CDH12: variants seen among roughly 807,000 people sequenced by gnomAD.
CDH12 encodes the protein cadherin-12.
A neutral mutation model predicts 74.1 loss-of-function variants in CDH12; 41 were observed. That is an observed-to-expected ratio of 0.55 (90% confidence interval 0.43 to 0.72). The LOEUF is 0.72. Among genes scored for constraint, CDH12 ranks in the 30% least tolerant of loss-of-function variants. The pLI is 0.00. For missense variants in CDH12, 945 were observed against 977.2 expected (o/e 0.97, Z 0.44); for synonymous variants, 399 against 355.0 (o/e 1.12, Z -1.39).
chr5:21,903,625 G>A (rs551720239), intron 6 of CDH12, among the ~76,000 whole-genome samples: 3 of 152,160 alleles, frequency 2.0e-5, no homozygotes, highest in South Asian at 4.1e-4. Flanking sequence ...AACCTGTACC[G>A]GTTTCCCCTA....
chr5:22,595,945 A>T (rs269889), intron 1 of CDH12, among the ~76,000 whole-genome samples: 48,343 of 146,632 alleles, frequency 0.33, 8,366 homozygotes, highest in African/African-American at 0.43. Flanking sequence ...AATAAATAAA[A>T]AAAATTAAAA....
chr5:22,328,376 T>C (rs1739212617), intron 3 of CDH12, among the ~76,000 whole-genome samples: 1 of 152,224 alleles, frequency 6.6e-6, no homozygotes, highest in Admixed American at 6.5e-5. Context: ...GGTTGAAATT[T>C]GTTTATTTGT....
intron 2 of CDH12, among the ~76,000 whole-genome samples, chr5:22,475,273 A>G (rs1746121420): frequency 6.6e-6 from 1 of 151,938 alleles, no homozygotes; most frequent in African/African-American, 2.4e-5. Flanking sequence ...ATTGTGAATT[A>G]CTTGAATTTT....
intron 4 of CDH12, among the ~76,000 whole-genome samples, chr5:22,158,492 T>G (rs1198155637): frequency 1.3e-5 from 2 of 152,024 alleles, no homozygotes; most frequent in Non-Finnish European, 2.9e-5. Context: ...AAAGGATCCA[T>G]TCATGAAGAC....
Position 22,708,992 on chromosome 5 carries a change from C to A in CDH12, c.-523+144066G>T, listed in dbSNP as rs72746702. ...GACAGAAAGAGCACAGGGGGCAGGT[C>A]TTTGGCACCAACAAACAGGAGCTTG... On this transcript the variant is annotated intron_variant, in intron 1 of 14. Coordinates refer to ENST00000382254, the MANE Select transcript of CDH12 (RefSeq NM_004061.5). 8.6e-3 allele frequency among the ~76,000 whole-genome samples: 1,306 copies of A among 152,196 alleles called. 7 individuals carry two copies. Among genetic ancestry groups the A allele is most frequent in the Non-Finnish European group, 0.014 (967 of 68,016 alleles).
intron 5 of CDH12, among the ~76,000 whole-genome samples, chr5:22,018,524 AT>A (rs1737754128): frequency 6.6e-6 from 1 of 152,284 alleles, no homozygotes; most frequent in African/African-American, 2.4e-5. Flanking sequence ...GGATGAATGA[AT>A]GGGCAAATGC....
At position 22,078,801 on chromosome 5, in the gene CDH12, A is replaced by G; in HGVS notation, c.-125T>C. The G allele has an allele frequency of 6.9e-7, 1 of 1,459,042 alleles. No individual in the cohort carries two copies. The allele number at this position is 1,459,042 out of a possible 1,614,324, so 90.4% of individuals were successfully genotyped here. On this transcript the variant is annotated 5_prime_UTR_variant, in exon 5 of 15. Transcript: ENST00000382254. The stretch of plus-strand genomic sequence containing the variant: ...TTCTTGTTTTATTGCAGAAATGATG[A>G]TGCAGGCATTAATCCTTTTGATGAA...
At chr5:21,754,454 A>G (rs1463191779) in intron 14 of CDH12, among the ~76,000 whole-genome samples, 1 of 152,204 alleles carries the variant, frequency 6.6e-6, no homozygotes. Flanking sequence ...TATTAACACA[A>G]AAGATGCCAG....
At chr5:22,552,022 C>T (rs1362013076) in intron 1 of CDH12, among the ~76,000 whole-genome samples, 1 of 151,940 alleles carries the variant, frequency 6.6e-6, no homozygotes, top group Non-Finnish European at 1.5e-5. Context: ...AAGTAATATA[C>T]CTACAGATAC....
At chr5:22,065,373 G>A (rs1024058343) in intron 5 of CDH12, among the ~76,000 whole-genome samples, 1 of 152,136 alleles carries the variant, frequency 6.6e-6, no homozygotes, top group Non-Finnish European at 1.5e-5. Flanking sequence ...TTAGATTGGC[G>A]GAATTTATTG....
chr5:22,252,508 C>T (rs1321996160), intron 3 of CDH12, among the ~76,000 whole-genome samples: 4 of 151,890 alleles, frequency 2.6e-5, no homozygotes, highest in African/African-American at 4.8e-5. Flanking sequence ...TTTATGGCAT[C>T]GTTAACCATC....
intron 1 of CDH12, among the ~76,000 whole-genome samples, chr5:22,639,229 G>C (rs1010815915): frequency 6.6e-6 from 1 of 151,996 alleles, no homozygotes; most frequent in Middle Eastern, 3.2e-3. Flanking sequence ...GTAGTGTCGT[G>C]TGTGTGGAGA....
chr5:21,944,565 G>A lies in CDH12; in HGVS notation c.526+30526C>T, dbSNP rs183152094. 5.6e-3 allele frequency among the ~76,000 whole-genome samples: 860 copies of A among 152,242 alleles called. 12 individuals are homozygous for A. Among genetic ancestry groups the A allele is most frequent in the African/African-American group, 0.019 (798 of 41,520 alleles). On this transcript the variant is annotated intron_variant, in intron 6 of 14. Transcript: ENST00000382254. ...ATTAATATAATGTCTCATATATTCT[G>A]TGGTGATTAATTGGTGTGGATTATT... is the stretch of plus-strand genomic sequence containing the variant.
intron 1 of CDH12, among the ~76,000 whole-genome samples, chr5:22,691,901 AGAGGAAAGAAATACATGTTTTTCTTTTC>A (rs1382227978): frequency 2.0e-5 from 3 of 152,216 alleles, no homozygotes; most frequent in Non-Finnish European, 2.9e-5. Flanking sequence ...AGAAAAGGTA[AGAGGAAAGAAATACATGTTTTTCTTTTC>A]CTCCCACTTC....
At chr5:22,765,084 G>A (rs1746430974) in intron 1 of CDH12, among the ~76,000 whole-genome samples, 1 of 151,784 alleles carries the variant, frequency 6.6e-6, no homozygotes, top group African/African-American at 2.4e-5. Flanking sequence ...TTGAATGAAA[G>A]AATAACTAAT....
intron 4 of CDH12, among the ~76,000 whole-genome samples, chr5:22,124,878 C>A (rs975004829): frequency 6.6e-6 from 1 of 152,162 alleles, no homozygotes; most frequent in African/African-American, 2.4e-5. Context: ...TAATATGCAG[C>A]CCTGTGATGC....
intron 1 of CDH12, among the ~76,000 whole-genome samples, chr5:22,585,485 T>A (rs1460823614): frequency 2.0e-5 from 3 of 152,154 alleles, no homozygotes; most frequent in African/African-American, 7.2e-5. Context: ...AAACACTGCC[T>A]GTGCCTTATT....
intron 8 of CDH12, among the ~76,000 whole-genome samples, chr5:21,832,752 T>C (rs1412532550): frequency 1.5e-5 from 2 of 135,292 alleles, no homozygotes; most frequent in African/African-American, 5.6e-5. Flanking sequence ...ACATGATACA[T>C]ATCATATATA....
intron 6 of CDH12, among the ~76,000 whole-genome samples, chr5:21,919,013 T>C (rs1402113200): frequency 6.6e-6 from 1 of 152,180 alleles, no homozygotes; most frequent in East Asian, 1.9e-4. Flanking sequence ...CTACAAGTAA[T>C]GCAAATTTCA....
Sources: allele counts gnomAD v4.1 joint callset (sites outside exome capture counted in the v4.1 genomes callset), GRCh38; gene constraint gnomAD v4.1.1; transcripts MANE v1.5; gene names NCBI Gene and HGNC (gene_info 2026-07-23, HGNC 2026-07-21).